The following SAYSD1 variants were observed in gnomAD, a reference collection of about 807,000 sequenced individuals.
The protein encoded by SAYSD1 is SAYSVFN motif domain containing 1.
SAYSD1 carries 15 observed loss-of-function variants against 14.5 expected under a neutral mutation model. The observed-to-expected ratio is 1.03, with a 90% CI of 0.69 to 1.59. The LOEUF is 1.59. SAYSD1 is among the 40% of genes most tolerant of loss of function. The pLI, the probability that SAYSD1 is intolerant of heterozygous loss-of-function variation, is 0.00. For missense variants in SAYSD1, 247 were observed against 227.3 expected, an observed-to-expected ratio of 1.09 and a Z score of -0.56; for synonymous variants, 105 against 102.6, an observed-to-expected ratio of 1.02 and a Z score of -0.14.
intron 1 of SAYSD1, among the ~76,000 whole-genome samples, chr6:39,107,835 A>G (rs1769533982): frequency 6.6e-6 from 1 of 152,090 alleles, no homozygotes; most frequent in African/African-American, 2.4e-5. Flanking sequence ...TTCTGGGCAA[A>G]GGGGAGAGTA....
chr6:39,109,177 G>A, intron 1 of SAYSD1: 1 of 857,486 alleles, frequency 1.2e-6, no homozygotes, highest in Non-Finnish European at 1.9e-6. Flanking sequence ...AGGCCAGCCT[G>A]AGCCAAGGCC....
At chr6:39,105,885 T>G in intron 1 of SAYSD1, 109 bp from the exon 2 acceptor site, 1 of 911,338 alleles carries the variant, frequency 1.1e-6, no homozygotes, top group South Asian at 1.7e-5. Context: ...TGCTGGCTCA[T>G]TGATTTCTAT....
chr6:39,105,262 T>G lies in SAYSD1; in HGVS notation c.*170A>C. The G allele has an allele frequency of 1.6e-6, 1 of 612,786 alleles. No homozygotes were observed. The highest frequency in any genetic ancestry group is 2.8e-6 in the Non-Finnish European group (1 of 350,940). 38.0% of individuals were successfully genotyped at this position (612,786 alleles called of 1,614,324 possible). A position where few individuals can be genotyped will look rare whatever the true frequency, so the allele number is the denominator to read the frequency against. On this transcript the variant is annotated 3_prime_UTR_variant, in exon 2 of 2. Transcript: ENST00000229903. Reference sequence around the variant, plus strand: ...GTATTTTAGAGAGTTTCACCAAAACTATCAAAGATCAAATGGCAGCAAAAG... The same window carrying G: ...GTATTTTAGAGAGTTTCACCAAAACGATCAAAGATCAAATGGCAGCAAAAG...
rs897843906 is a variant in SAYSD1 at position 39,115,148 on chromosome 6, A to C, written c.-59T>G. On this transcript the variant is annotated 5_prime_UTR_variant, in exon 1 of 2. Transcript: ENST00000229903. ...AGCGCGCGCCCGCAGGCCGCACAGC[A>C]GTTGCCTCCGCTCGGCCCGCGCCGG... 4 of 1,484,784 alleles carry C rather than the reference A, an allele frequency of 2.7e-6. No individual in the cohort carries two copies. Among genetic ancestry groups the C allele is most frequent in the Non-Finnish European group, 3.6e-6 (4 of 1,117,028 alleles). The allele number at this position is 1,484,784 out of a possible 1,614,324, so 92.0% of individuals were successfully genotyped here. A position where few individuals can be genotyped will look rare whatever the true frequency, so the allele number is the denominator to read the frequency against.
Position 39,115,065 on chromosome 6 carries a change from G to C in SAYSD1, c.25C>G (p.Arg9Gly), listed in dbSNP as rs977041673. 1.2e-6 allele frequency: 2 copies of C among 1,609,068 alleles called. No individual in the cohort carries two copies. The highest frequency in any genetic ancestry group is 3.3e-5 in the Admixed American group (2 of 59,964). Residue 9 changes from arginine (R) to glycine (G), a missense_variant, in exon 1 of 2, where the codon CGG (arginine) becomes GGG (glycine). Physicochemically the swap from Arg to Gly is moderately radical, Grantham distance 125. Coordinates refer to ENST00000229903, the MANE Select transcript of SAYSD1 (RefSeq NM_018322.3). ...AGACCCGCCCGTTTCCGCGCCGCCCGAAACTCAGCTAACCGCTGTTCCATG... is the reference window on the plus strand; with the variant it reads ...AGACCCGCCCGTTTCCGCGCCGCCCCAAACTCAGCTAACCGCTGTTCCATG... MEQRLAEF[R>G]AARKRAGLAA...
intron 1 of SAYSD1, 56 bp from the exon 2 acceptor site, chr6:39,105,832 C>T (rs896603094): frequency 1.2e-5 from 18 of 1,502,636 alleles, no homozygotes; most frequent in Admixed American, 2.0e-5. Context: ...CTGAGATGAT[C>T]AAAACTAATC....
chr6:39,105,747 T>C lies in SAYSD1; in HGVS notation c.237A>G (p.Ser79=). 6.2e-7 allele frequency: 1 copy of C among 1,614,128 alleles called. No homozygotes were observed. The highest frequency in any genetic ancestry group is 8.5e-7 in the Non-Finnish European group (1 of 1,179,974). The change falls in exon 2 of 2, where the codon TCA becomes TCG. Residue 79 remains serine, a synonymous_variant. Transcript: ENST00000229903. ...QEAAQPQGST[S]ETPWNTAIPL... ...GAATGGCTGTGTTCCATGGTGTCTC[T>C]GATGTGCTGCCCTGGGGCTGAGCCG...
intron 1 of SAYSD1, 120 bp downstream of exon 1, chr6:39,114,763 A>C: frequency 1.1e-6 from 1 of 947,612 alleles, no homozygotes; most frequent in Non-Finnish European, 1.6e-6. Flanking sequence ...GCCCTCGATC[A>C]GGATGGGGGG....
intron 1 of SAYSD1, chr6:39,113,178 A>C (rs1419757045): frequency 1.3e-5 from 2 of 152,246 alleles, no homozygotes; most frequent in South Asian, 4.1e-4. Flanking sequence ...GAGACGTTCT[A>C]AAGTTGCAGT....
At chr6:39,106,812 T>A (rs1328457723) in intron 1 of SAYSD1, among the ~76,000 whole-genome samples, 1 of 152,224 alleles carries the variant, frequency 6.6e-6, no homozygotes, top group East Asian at 1.9e-4. Flanking sequence ...CCTCAATTTG[T>A]TCAACAGATT....
rs911437591 is a variant in SAYSD1, at chr6:39,104,362, C to G, written c.*1070G>C. On this transcript the variant is annotated 3_prime_UTR_variant, in exon 2 of 2. Transcript: ENST00000229903. ...GGGAGTTTGCCTAATTTTAATGAAC[C>G]CAAACTCTAACATTGTACTGGAAAA... 10 of 151,998 alleles carry G rather than the reference C, an allele frequency of 6.6e-5. No homozygotes were observed. The highest frequency in any genetic ancestry group is 1.5e-4 in the Non-Finnish European group (10 of 68,022). 9.4% of individuals were successfully genotyped at this position (151,998 alleles called of 1,614,324 possible). A position where few individuals can be genotyped will look rare whatever the true frequency, so the allele number is the denominator to read the frequency against.
At position 39,105,375 on chromosome 6, in the gene SAYSD1, A is replaced by G. The variant is rs1769476360; in HGVS notation, c.*57T>C. ...CCTATACACCTGAAATCAAATCCAT[A>G]GCCAATGGTGAGGAAGACCACATCA... is the stretch of plus-strand genomic sequence containing the variant. On this transcript the variant is annotated 3_prime_UTR_variant, in exon 2 of 2. Transcript: ENST00000229903. The G allele has an allele frequency of 6.8e-7, 1 of 1,470,476 alleles. No homozygotes were observed. Among genetic ancestry groups the G allele is most frequent in the South Asian group, 1.2e-5 (1 of 83,070 alleles). 91.1% of individuals were successfully genotyped at this position (1,470,476 alleles called of 1,614,324 possible).
intron 1 of SAYSD1, chr6:39,111,872 T>C (rs970088387): frequency 2.6e-5 from 4 of 152,178 alleles, no homozygotes; most frequent in African/African-American, 7.2e-5. Context: ...CACAGTTCAA[T>C]ATCAAAAAGT....
chr6:39,111,659 AGTTTATGAT>A (rs1374820586), intron 1 of SAYSD1: 1 of 152,224 alleles, frequency 6.6e-6, no homozygotes, highest in Non-Finnish European at 1.5e-5. Context: ...CATTGTAAGA[AGTTTATGAT>A]GCTCATTAAG....
At chr6:39,111,147 C>A (rs370492239) in intron 1 of SAYSD1, 35 of 152,072 alleles carry the variant, frequency 2.3e-4, no homozygotes, top group African/African-American at 8.0e-4. Context: ...CTTGGACCTT[C>A]ATATAAAAAA....
At chr6:39,107,530 T>A (rs1348924996) in intron 1 of SAYSD1, among the ~76,000 whole-genome samples, 1 of 152,224 alleles carries the variant, frequency 6.6e-6, no homozygotes, top group Non-Finnish European at 1.5e-5. Flanking sequence ...TCAGTTCATC[T>A]CTTCAGTTAC....
At position 39,115,044 on chromosome 6, in the gene SAYSD1, C is replaced by T. The variant is rs1262487644; in HGVS notation, c.46G>A (p.Gly16Ser). ...AEFRAARKRA[G>S]LAAQPPAASQ... ...GCAGCAGGGGGTTGGGCCGCCAGAC[C>T]CGCCCGTTTCCGCGCCGCCCGAAAC... The change falls in exon 1 of 2, where the codon GGT (glycine) becomes AGT (serine). Residue 16 changes from glycine (G) to serine (S), a missense_variant. Transcript: ENST00000229903. 1.2e-6 allele frequency: 2 copies of T among 1,611,388 alleles called. No individual in the cohort carries two copies. Among genetic ancestry groups the T allele is most frequent in the Non-Finnish European group, 8.5e-7 (1 of 1,179,836 alleles).
chr6:39,105,358 C>A lies in SAYSD1; in HGVS notation c.*74G>T. 7.5e-7 allele frequency: 1 copy of A among 1,331,754 alleles called. No individual in the cohort carries two copies. Among genetic ancestry groups the A allele is most frequent in the Non-Finnish European group, 1.1e-6 (1 of 946,108 alleles). 82.5% of individuals were successfully genotyped at this position (1,331,754 alleles called of 1,614,324 possible). ...CGCAAGCTGCCCTTAGTCCTATACA[C>A]CTGAAATCAAATCCATAGCCAATGG... On this transcript the variant is annotated 3_prime_UTR_variant, in exon 2 of 2. Transcript: ENST00000229903.
intron 1 of SAYSD1, 91 bp from the exon 2 acceptor site, chr6:39,105,867 G>T: frequency 8.7e-7 from 1 of 1,150,460 alleles, no homozygotes; most frequent in Non-Finnish European, 1.2e-6. Flanking sequence ...TCATTGCTCT[G>T]AGAAGGCTGC....
Sources: allele counts gnomAD v4.1 joint callset (sites outside exome capture counted in the v4.1 genomes callset), GRCh38; gene constraint gnomAD v4.1.1; transcripts MANE v1.5; gene names NCBI Gene and HGNC (gene_info 2026-07-23, HGNC 2026-07-21).